Variants in SPACA9 observed in about 807,000 individuals in gnomAD.
SPACA9 encodes the protein sperm acrosome associated 9, also known as sperm acrosome-associated protein 9.
A neutral mutation model predicts 12.5 loss-of-function variants in SPACA9; 14 were observed. The ratio of observed to expected loss-of-function variants is 1.12; its 90% CI spans 0.74 to 1.75. The LOEUF (loss-of-function observed/expected upper bound fraction) is 1.75. SPACA9 is among the 40% of genes most tolerant of loss of function. The pLI is 0.00. For synonymous variants in SPACA9, 111 were observed against 114.1 expected, an observed-to-expected ratio of 0.97 and a Z score of 0.17; for missense variants, 292 against 291.9, an observed-to-expected ratio of 1.00 and a Z score of 0.00.
rs897982341 is a variant in SPACA9 at position 132,887,057 on chromosome 9, G to A, written c.145-312G>A. On this transcript the variant is annotated intron_variant, in intron 2 of 3. Coordinates refer to ENST00000356311, the MANE Select transcript of SPACA9 (RefSeq NM_001316897.2). The surrounding 1 kb of genome is among the most constrained non-coding windows in gnomAD (Gnocchi z 5.4). Reference sequence around the variant, plus strand: ...GAACTCCTGACCTCAAGTGATCCCCGCCCACCTCAGCCTCCCAAAGTGCGG... The same window carrying A: ...GAACTCCTGACCTCAAGTGATCCCCACCCACCTCAGCCTCCCAAAGTGCGG... Among the ~76,000 whole-genome samples, 4 of 151,468 alleles carry A rather than the reference G, an allele frequency of 2.6e-5. No homozygotes were observed. Among genetic ancestry groups the A allele is most frequent in the South Asian group, 2.1e-4 (1 of 4,802 alleles).
intron 1 of SPACA9, among the ~76,000 whole-genome samples, chr9:132,883,034 G>A (rs2519760): frequency 0.54 from 82,087 of 151,864 alleles, 22,574 homozygotes; most frequent in South Asian, 0.66. Flanking sequence ...TTTTGCACGC[G>A]CTCAGCAAAA....
chr9:132,882,892 G>A (rs1844465674), intron 1 of SPACA9, among the ~76,000 whole-genome samples: 1 of 152,096 alleles, frequency 6.6e-6, no homozygotes, highest in African/African-American at 2.4e-5. Flanking sequence ...GGTGTCTTGG[G>A]CACAAATTTG....
intron 1 of SPACA9, among the ~76,000 whole-genome samples, chr9:132,879,278 C>G (rs866796114): frequency 3.5e-4 from 53 of 152,126 alleles, no homozygotes; most frequent in Admixed American, 1.3e-4. Context: ...TGTCTGTTGC[C>G]GTTAATCGTA....
At position 132,883,925 on chromosome 9, in the gene SPACA9, G is replaced by T; in HGVS notation, c.-23G>T. 1 of 1,613,436 alleles carries T rather than the reference G, an allele frequency of 6.2e-7. No individual in the cohort carries two copies. Among genetic ancestry groups the T allele is most frequent in the Non-Finnish European group, 8.5e-7 (1 of 1,179,390 alleles). On this transcript the variant is annotated 5_prime_UTR_variant, in exon 2 of 4. Coordinates refer to ENST00000356311, the MANE Select transcript of SPACA9 (RefSeq NM_001316897.2). ...TCTCCCCATAGATTCCTCTTCTCCT[G>T]TAAATGACCACAGAGGAAGACAATG... is the stretch of plus-strand genomic sequence containing the variant.
At chr9:132,885,877 T>C (rs2131490826) in intron 2 of SPACA9, among the ~76,000 whole-genome samples, 1 of 150,882 alleles carries the variant, frequency 6.6e-6, no homozygotes, top group East Asian at 2.0e-4. Flanking sequence ...CTGCCCTCCC[T>C]GAACCAGAAG....
rs118133682 is a variant in SPACA9 at position 132,888,047 on chromosome 9, G to A, written c.348-243G>A. 8.4e-3 allele frequency among the ~76,000 whole-genome samples: 1,277 copies of A among 152,250 alleles called. 12 individuals are homozygous for A. Among genetic ancestry groups the A allele is most frequent in the Middle Eastern group, 0.017 (5 of 294 alleles). ...AGCCAGTTCCTCACCCCTAACCCAG[G>A]TTTCTACGGACCATGGGGCAGTGGT... On this transcript the variant is annotated intron_variant, in intron 3 of 3. Coordinates refer to ENST00000356311, the MANE Select transcript of SPACA9 (RefSeq NM_001316897.2). The surrounding 1 kb of genome is among the most constrained non-coding windows in gnomAD (Gnocchi z 5.0).
Position 132,888,170 on chromosome 9 carries a change from G to A in SPACA9, c.348-120G>A. 2 of 1,478,792 alleles carry A rather than the reference G, an allele frequency of 1.4e-6. No individual in the cohort carries two copies. Among genetic ancestry groups the A allele is most frequent in the Non-Finnish European group, 9.0e-7 (1 of 1,108,114 alleles). 91.6% of individuals were successfully genotyped at this position (1,478,792 alleles called of 1,614,324 possible). A position where few individuals can be genotyped will look rare whatever the true frequency, so the allele number is the denominator to read the frequency against. ...TGGGGACAGAGCGCCTCAGCGTGCT[G>A]TGTGTCCAGTTCTAAAGCCTCCCCA... On this transcript the variant is annotated intron_variant, in intron 3 of 3. Coordinates refer to ENST00000356311, the MANE Select transcript of SPACA9 (RefSeq NM_001316897.2). This position sits in a 1 kb window ranked among gnomAD's most constrained non-coding sequence, Gnocchi z 5.0.
intron 1 of SPACA9, among the ~76,000 whole-genome samples, chr9:132,879,466 G>C (rs2519759): frequency 0.73 from 111,367 of 152,074 alleles, 41,135 homozygotes; most frequent in South Asian, 0.86. Flanking sequence ...TCACTTTCCT[G>C]CCCTGTGAAG....
intron 2 of SPACA9, among the ~76,000 whole-genome samples, chr9:132,885,401 G>T (rs2131489600): frequency 6.8e-6 from 1 of 147,854 alleles, no homozygotes; most frequent in Non-Finnish European, 1.5e-5. Flanking sequence ...TAGTCCCAGT[G>T]ACTCGGGAGG....
upstream of SPACA9, chr9:132,878,456 C>G (rs1844261430): frequency 4.1e-6 from 5 of 1,223,794 alleles, no homozygotes; most frequent in Admixed American, 1.3e-4. The surrounding 1 kb of genome is among the most constrained non-coding windows in gnomAD (Gnocchi z 4.7). Context: ...TTCCCCAACC[C>G]CGGCCTCGCT....
At chr9:132,886,970 C>T (rs1344930528) in intron 2 of SPACA9, among the ~76,000 whole-genome samples, 2 of 152,154 alleles carry the variant, frequency 1.3e-5, no homozygotes, top group East Asian at 3.9e-4. Flanking sequence ...TGCCACCACG[C>T]CTGGCTAATT....
chr9:132,878,370 A>G, upstream of SPACA9: 1 of 1,245,874 alleles, frequency 8.0e-7, no homozygotes, highest in Non-Finnish European at 1.0e-6. This position sits in a 1 kb window ranked among gnomAD's most constrained non-coding sequence, Gnocchi z 4.7. Flanking sequence ...GGGCCCAGAT[A>G]CCCGATCCTC....
At position 132,889,801 on chromosome 9, in the gene SPACA9, A is replaced by C. The variant is rs1172845381; in HGVS notation, c.*1190A>C. 1 of 1,322,520 alleles carries C rather than the reference A, an allele frequency of 7.6e-7. No homozygotes were observed. The highest frequency in any genetic ancestry group is 9.8e-7 in the Non-Finnish European group (1 of 1,024,766). 81.9% of individuals were successfully genotyped at this position (1,322,520 alleles called of 1,614,324 possible). A position where few individuals can be genotyped will look rare whatever the true frequency, so the allele number is the denominator to read the frequency against. Reference sequence around the variant, plus strand: ...CTTCGCCTTTACTTGGGAGAGGGAGACCATGACAGAAGCCAGAATTCTGAT... The same window carrying C: ...CTTCGCCTTTACTTGGGAGAGGGAGCCCATGACAGAAGCCAGAATTCTGAT... On this transcript the variant is annotated 3_prime_UTR_variant, in exon 4 of 4. Coordinates refer to ENST00000356311, the MANE Select transcript of SPACA9 (RefSeq NM_001316897.2).
intron 1 of SPACA9, among the ~76,000 whole-genome samples, chr9:132,881,604 A>T (rs1045942604): frequency 2.6e-4 from 40 of 152,016 alleles, no homozygotes; most frequent in Admixed American, 2.5e-3. Flanking sequence ...CATCTCTACT[A>T]AAAATACAAA....
upstream of SPACA9, chr9:132,878,769 C>G (rs2231404): frequency 2.6e-4 from 253 of 985,732 alleles, no homozygotes; most frequent in Middle Eastern, 2.1e-3. This position sits in a 1 kb window ranked among gnomAD's most constrained non-coding sequence, Gnocchi z 4.7. Context: ...CTCCTAGAGT[C>G]GAGCCCCGGT....
rs1564461492 is a variant in SPACA9 at position 132,889,954 on chromosome 9, C to T, written c.*1343C>T. The stretch of plus-strand genomic sequence containing the variant: ...GTCTGACTGTTGGTTTTTCCCTTCA[C>T]AGGGGACGACTTAGCTTCTGTATTA... On this transcript the variant is annotated 3_prime_UTR_variant, in exon 4 of 4. Transcript: ENST00000356311. 2 of 1,507,886 alleles carry T rather than the reference C, an allele frequency of 1.3e-6. No individual in the cohort carries two copies. Among genetic ancestry groups the T allele is most frequent in the South Asian group, 2.7e-5 (2 of 73,600 alleles). The allele number at this position is 1,507,886 out of a possible 1,614,324, so 93.4% of individuals were successfully genotyped here.
At chr9:132,884,722 C>T (rs780846898) in intron 2 of SPACA9, among the ~76,000 whole-genome samples, 7 of 100,224 alleles carry the variant, frequency 7.0e-5, no homozygotes, top group Admixed American at 2.6e-4. Context: ...GGAAGGGTAA[C>T]TGCCCCAAGA....
upstream of SPACA9, chr9:132,878,370 A>ACC: frequency 8.0e-7 from 1 of 1,245,874 alleles, no homozygotes; most frequent in South Asian, 3.9e-5. This position sits in a 1 kb window ranked among gnomAD's most constrained non-coding sequence, Gnocchi z 4.7. Context: ...GGGCCCAGAT[A>ACC]CCCGATCCTC....
At chr9:132,882,569 C>G (rs370021011) in intron 1 of SPACA9, among the ~76,000 whole-genome samples, 1 of 151,834 alleles carries the variant, frequency 6.6e-6, no homozygotes, top group Non-Finnish European at 1.5e-5. Context: ...CAAACTGGAC[C>G]CCCAGCTCCA....
Sources: gnomAD v4.1 joint callset for allele counts (sites outside exome capture counted in the v4.1 genomes callset) on GRCh38, gnomAD v4.1.1 for gene constraint, Gnocchi (gnomAD v3.1) non-coding constraint, MANE v1.5 for transcripts, NCBI Gene and HGNC (gene_info 2026-07-23, HGNC 2026-07-21) for gene names.